The following PLCB1 variants were observed in gnomAD, a reference collection of about 807,000 sequenced individuals.
The protein encoded by PLCB1 is 1-phosphatidylinositol 4,5-bisphosphate phosphodiesterase beta-1.
Under a neutral mutation model 161.8 loss-of-function variants are expected in PLCB1, and 46 were observed. The ratio of observed to expected loss-of-function variants is 0.28; its 90% CI spans 0.22 to 0.36. PLCB1 has a LOEUF of 0.36. Ranked by LOEUF, PLCB1 falls within the 10% of genes least tolerant of loss-of-function variation. PLCB1 has a pLI of 1.00. For missense variants in PLCB1, 1,016 were observed against 1,472.5 expected (o/e 0.69, Z 5.07); for synonymous variants, 517 against 503.7 (o/e 1.03, Z -0.35).
intron 2 of PLCB1, among the ~76,000 whole-genome samples, chr20:8,343,835 ATATAC>A (rs1286695912): frequency 2.0e-5 from 3 of 152,194 alleles, no homozygotes; most frequent in Non-Finnish European, 2.9e-5. Context: ...ATGAATAAAC[ATATAC>A]TATAGAGTGA....
intron 2 of PLCB1, among the ~76,000 whole-genome samples, chr20:8,311,956 A>G (rs898155887): frequency 2.0e-5 from 3 of 152,154 alleles, no homozygotes; most frequent in Non-Finnish European, 2.9e-5. Context: ...CTGCCTTGTG[A>G]ATGTTCTTCT....
At chr20:8,236,017 A>G (rs1038883744) in intron 2 of PLCB1, among the ~76,000 whole-genome samples, 2 of 152,124 alleles carry the variant, frequency 1.3e-5, no homozygotes, top group African/African-American at 4.8e-5. Flanking sequence ...TTCCAAATTA[A>G]ATTACTACAA....
At chr20:8,197,901 A>G (rs550485952) in intron 2 of PLCB1, among the ~76,000 whole-genome samples, 2,756 of 152,196 alleles carry the variant, frequency 0.018, 101 homozygotes, top group African/African-American at 0.063. Context: ...TCCCAGCACT[A>G]TTTGTTAAAT....
chr20:8,325,934 C>A (rs953438901), intron 2 of PLCB1, among the ~76,000 whole-genome samples: 1 of 152,166 alleles, frequency 6.6e-6, no homozygotes, highest in African/African-American at 2.4e-5. Context: ...GGACATAGCC[C>A]ATTGGAAAAC....
At chr20:8,338,790 G>A (rs1215387393) in intron 2 of PLCB1, among the ~76,000 whole-genome samples, 2 of 152,108 alleles carry the variant, frequency 1.3e-5, no homozygotes, top group African/African-American at 2.4e-5. Context: ...CCCTCTTCCA[G>A]TCAATACCTC....
At chr20:8,851,234 T>C (rs1986874434) in intron 31 of PLCB1, among the ~76,000 whole-genome samples, 1 of 152,224 alleles carries the variant, frequency 6.6e-6, no homozygotes, top group African/African-American at 2.4e-5. Flanking sequence ...TCACTGTTTG[T>C]TACCTTATAC....
At chr20:8,487,672 G>C (rs1982785741) in intron 3 of PLCB1, among the ~76,000 whole-genome samples, 1 of 152,174 alleles carries the variant, frequency 6.6e-6, no homozygotes, top group African/African-American at 2.4e-5. Flanking sequence ...TTCTCAGTCT[G>C]ATCTGTTCTT....
chr20:8,425,045 G>A (rs1406257247), intron 3 of PLCB1, among the ~76,000 whole-genome samples: 1 of 151,968 alleles, frequency 6.6e-6, no homozygotes, highest in Non-Finnish European at 1.5e-5. Flanking sequence ...GCCAACCAGA[G>A]GCTGAAGTGA....
chr20:8,815,465 G>A (rs1985042051), intron 31 of PLCB1, among the ~76,000 whole-genome samples: 2 of 152,204 alleles, frequency 1.3e-5, no homozygotes, highest in African/African-American at 2.4e-5. Context: ...GGATGAAAGA[G>A]CCATTGCTAA....
chr20:8,172,212 T>C lies in PLCB1; in HGVS notation c.177+21841T>C, dbSNP rs78771706. 2.4e-3 allele frequency among the ~76,000 whole-genome samples: 371 copies of C among 152,304 alleles called. 1 individual carries two copies. The highest frequency in any genetic ancestry group is 8.4e-3 in the African/African-American group (348 of 41,562). On this transcript the variant is annotated intron_variant, in intron 2 of 31. Coordinates refer to ENST00000338037, the MANE Select transcript of PLCB1 (RefSeq NM_015192.4). ...CTACCTAAATGCATAGTAAGCAAGATATTGTACCATTGAGAGTAGTAAGAG... is the reference window on the plus strand; with the variant it reads ...CTACCTAAATGCATAGTAAGCAAGACATTGTACCATTGAGAGTAGTAAGAG...
At chr20:8,533,945 T>A (rs1984935663) in intron 3 of PLCB1, among the ~76,000 whole-genome samples, 2 of 152,236 alleles carry the variant, frequency 1.3e-5, no homozygotes, top group Admixed American at 1.3e-4. Context: ...TGCCCATGCC[T>A]ATGTCCTGAA....
Position 8,727,556 on chromosome 20 carries a change from T to C in PLCB1, c.1763+163T>C, listed in dbSNP as rs6086567. Among the ~76,000 whole-genome samples, 34,172 of 151,930 alleles carry C rather than the reference T, an allele frequency of 0.22. 3,860 individuals carry two copies. Among genetic ancestry groups the C allele is most frequent in the Middle Eastern group, 0.35 (104 of 294 alleles). ...GTATCATATACAATGCTGGGCGGGGTAGTCTGGCCTATAGAACAAAAAACT... is the reference window on the plus strand; with the variant it reads ...GTATCATATACAATGCTGGGCGGGGCAGTCTGGCCTATAGAACAAAAAACT... On this transcript the variant is annotated intron_variant, in intron 17 of 31. Coordinates refer to ENST00000338037, the MANE Select transcript of PLCB1 (RefSeq NM_015192.4).
chr20:8,714,600 G>C (rs1276889111), intron 12 of PLCB1, among the ~76,000 whole-genome samples: 1 of 152,172 alleles, frequency 6.6e-6, no homozygotes, highest in Non-Finnish European at 1.5e-5. Context: ...CTGATTAGCA[G>C]TTTTTCTTCT....
chr20:8,368,291 C>T (rs1247598585), intron 2 of PLCB1, among the ~76,000 whole-genome samples: 2 of 151,786 alleles, frequency 1.3e-5, no homozygotes, highest in African/African-American at 2.4e-5. Flanking sequence ...ACTTTGGGAG[C>T]CCGAGGCGAG....
At chr20:8,861,770 G>A (rs1987265941) in intron 31 of PLCB1, among the ~76,000 whole-genome samples, 1 of 147,278 alleles carries the variant, frequency 6.8e-6, no homozygotes, top group Non-Finnish European at 1.5e-5. Context: ...GGGCAATGTA[G>A]CAAAACCCCA....
intron 20 of PLCB1, 24 bp from the exon 21 acceptor site, chr20:8,739,237 G>C (rs373482157): frequency 2.3e-6 from 3 of 1,282,836 alleles, no homozygotes; most frequent in Non-Finnish European, 3.4e-6. Context: ...TTATAACCAG[G>C]TGTGTCCTTA....
chr20:8,244,120 C>T (rs1980752949), intron 2 of PLCB1, among the ~76,000 whole-genome samples: 1 of 151,894 alleles, frequency 6.6e-6, no homozygotes, highest in South Asian at 2.1e-4. Context: ...CCACATTTGG[C>T]AAAGATATAG....
At chr20:8,391,924 A>G (rs1987617712) in intron 3 of PLCB1, among the ~76,000 whole-genome samples, 1 of 150,876 alleles carries the variant, frequency 6.6e-6, no homozygotes. Context: ...AGCAGGGGAA[A>G]ATACTGGGAT....
At chr20:8,790,628 A>C (rs1983710156) in intron 31 of PLCB1, among the ~76,000 whole-genome samples, 2 of 152,338 alleles carry the variant, frequency 1.3e-5, no homozygotes, top group Admixed American at 1.3e-4. Flanking sequence ...TAGCTGATGT[A>C]ATGTTGTAAT....
Sources: gnomAD v4.1 joint callset for allele counts (sites outside exome capture counted in the v4.1 genomes callset) on GRCh38, gnomAD v4.1.1 for gene constraint, MANE v1.5 for transcripts, NCBI Gene and HGNC (gene_info 2026-07-23, HGNC 2026-07-21) for gene names.